The following CORIN variants were observed in gnomAD, a reference collection of about 807,000 sequenced individuals.
CORIN encodes corin, serine peptidase.
CORIN carries 117 observed loss-of-function variants against 125.3 expected under a neutral mutation model. The observed-to-expected ratio is 0.93, with a 90% CI of 0.80 to 1.09. The LOEUF (loss-of-function observed/expected upper bound fraction) is 1.09. Among genes scored for constraint, CORIN ranks in the 50% least tolerant of loss-of-function variants. CORIN has a pLI of 0.00. For synonymous variants in CORIN, 450 were observed against 466.4 expected (o/e 0.96, Z 0.45); for missense variants, 1,253 against 1,306.7 (o/e 0.96, Z 0.63).
chr4:47,788,432 T>C (rs1037477890), intron 2 of CORIN, among the ~76,000 whole-genome samples: 3 of 152,214 alleles, frequency 2.0e-5, no homozygotes, highest in African/African-American at 4.8e-5. Context: ...AGCTAAATCA[T>C]GATCATGTAA....
chr4:47,760,935 C>A (rs1729419421), intron 4 of CORIN, among the ~76,000 whole-genome samples: 1 of 152,224 alleles, frequency 6.6e-6, no homozygotes, highest in Non-Finnish European at 1.5e-5. Context: ...GAACCAATCT[C>A]TGCTAGCATC....
chr4:47,767,067 C>T (rs991139422), intron 3 of CORIN, among the ~76,000 whole-genome samples: 3 of 151,800 alleles, frequency 2.0e-5, no homozygotes, highest in African/African-American at 7.3e-5. Flanking sequence ...GGCATAAACT[C>T]ATAACAGCAA....
At chr4:47,706,871 G>A in intron 5 of CORIN, 4 of 1,598,914 alleles carry the variant, frequency 2.5e-6, no homozygotes, top group Non-Finnish European at 2.5e-6. Context: ...GCTGACATCT[G>A]CAGGCCGAAA....
At chr4:47,754,187 C>A (rs35322064) in intron 4 of CORIN, among the ~76,000 whole-genome samples, 14,310 of 152,258 alleles carry the variant, frequency 0.094, 817 homozygotes, top group East Asian at 0.26. Flanking sequence ...ATGACAGTAT[C>A]TTACCTATGC....
chr4:47,775,757 T>C (rs1730269281), intron 3 of CORIN, among the ~76,000 whole-genome samples: 1 of 152,154 alleles, frequency 6.6e-6, no homozygotes, highest in Non-Finnish European at 1.5e-5. Context: ...CCCAGGCATT[T>C]TCTGCTTCAC....
At chr4:47,703,263 A>G (rs913711518) in intron 5 of CORIN, among the ~76,000 whole-genome samples, 2 of 152,174 alleles carry the variant, frequency 1.3e-5, no homozygotes, top group African/African-American at 4.8e-5. Flanking sequence ...GTGACAGCAC[A>G]TATTCACTGG....
intron 2 of CORIN, among the ~76,000 whole-genome samples, chr4:47,791,380 C>G (rs147333876): frequency 7.4e-4 from 112 of 152,110 alleles, no homozygotes; most frequent in African/African-American, 2.6e-3. Flanking sequence ...TAAATTTTGC[C>G]CAGTGAGACC....
chr4:47,815,598 A>T (rs1732230897), intron 1 of CORIN, among the ~76,000 whole-genome samples: 1 of 152,130 alleles, frequency 6.6e-6, no homozygotes, highest in Non-Finnish European at 1.5e-5. Flanking sequence ...CAAACTTGCC[A>T]ATACTATCAT....
At chr4:47,732,249 T>C (rs998135922) in intron 5 of CORIN, among the ~76,000 whole-genome samples, 10 of 152,080 alleles carry the variant, frequency 6.6e-5, no homozygotes, top group Non-Finnish European at 1.0e-4. Flanking sequence ...CAGATCAGAA[T>C]AGAAATGTGC....
At chr4:47,597,340 A>G (rs1721292986) in intron 21 of CORIN, among the ~76,000 whole-genome samples, 1 of 142,672 alleles carries the variant, frequency 7.0e-6, no homozygotes, top group African/African-American at 2.7e-5. Flanking sequence ...AGACAGAGTG[A>G]AACTCCATCT....
intron 3 of CORIN, among the ~76,000 whole-genome samples, chr4:47,782,712 G>T (rs1730611277): frequency 1.3e-5 from 2 of 152,160 alleles, no homozygotes; most frequent in Non-Finnish European, 2.9e-5. Context: ...ATATTACTCA[G>T]CACTAAAAAG....
intron 19 of CORIN, among the ~76,000 whole-genome samples, chr4:47,621,115 A>C (rs1722292452): frequency 1.3e-5 from 2 of 152,204 alleles, no homozygotes; most frequent in African/African-American, 4.8e-5. Context: ...GGTTTTCAAA[A>C]CCTGTCCTCA....
At chr4:47,808,785 C>T (rs536330151) in intron 1 of CORIN, among the ~76,000 whole-genome samples, 1 of 152,272 alleles carries the variant, frequency 6.6e-6, no homozygotes, top group Non-Finnish European at 1.5e-5. Flanking sequence ...GGACTACAGG[C>T]CAACAAAGTT....
In CORIN at chr4:47,785,214, G is replaced by T. The variant is rs1168955686; in HGVS notation, c.409+1511C>A. Among the ~76,000 whole-genome samples the T allele has an allele frequency of 2.0e-5, 3 of 152,208 alleles. No homozygotes were observed. The South Asian group carries it at 6.2e-4, about 31-fold the overall frequency. ...GACAACTATGGAGAAAATTCTGGCA[G>T]TGGCTGTACTGTGCTCTGATTATTT... On this transcript the variant is annotated intron_variant, in intron 3 of 21. Transcript: ENST00000273857.
At chr4:47,830,639 T>C (rs1460390102) in intron 1 of CORIN, among the ~76,000 whole-genome samples, 1 of 152,242 alleles carries the variant, frequency 6.6e-6, no homozygotes, top group Non-Finnish European at 1.5e-5. Context: ...CCAGCCTGTA[T>C]AGTTGAATTC....
At chr4:47,729,979 C>G (rs1458729617) in intron 5 of CORIN, among the ~76,000 whole-genome samples, 1 of 152,154 alleles carries the variant, frequency 6.6e-6, no homozygotes, top group Non-Finnish European at 1.5e-5. Context: ...GGCTCCCCAT[C>G]CACCTCGCTG....
Position 47,623,565 on chromosome 4 carries a change from G to C in CORIN, c.2540+6C>G, listed in dbSNP as rs1722423941. The C allele has an allele frequency of 6.2e-7, 1 of 1,613,424 alleles. No individual in the cohort carries two copies. The highest frequency in any genetic ancestry group is 8.5e-7 in the Non-Finnish European group (1 of 1,179,680). On this transcript the variant is annotated splice_donor_region_variant and intron_variant, in intron 19 of 21. Coordinates refer to ENST00000273857, the MANE Select transcript of CORIN (RefSeq NM_006587.4). ...GGCAAAGGAAAAAAGGAAAGGTGCA[G>C]CTTACCCCTCGAAGCAGTGGGCAAC...
At chr4:47,715,354 C>T (rs1727040894) in intron 5 of CORIN, among the ~76,000 whole-genome samples, 1 of 152,142 alleles carries the variant, frequency 6.6e-6, no homozygotes, top group East Asian at 1.9e-4. Context: ...ATCTGTAATC[C>T]TAGCATTTTG....
intron 2 of CORIN, among the ~76,000 whole-genome samples, chr4:47,792,411 A>T (rs946548364): frequency 6.6e-6 from 1 of 152,242 alleles, no homozygotes; most frequent in Non-Finnish European, 1.5e-5. Context: ...GAGGGTAGTT[A>T]GAAGGCTATT....
Sources: allele counts gnomAD v4.1 joint callset (sites outside exome capture counted in the v4.1 genomes callset), GRCh38; gene constraint gnomAD v4.1.1; transcripts MANE v1.5; gene names NCBI Gene and HGNC (gene_info 2026-07-23, HGNC 2026-07-21).